SATL1: variants seen among roughly 807,000 people sequenced by gnomAD.
The protein encoded by SATL1 is spermidine/spermine N1-acetyl transferase like 1.
SATL1 carries 47 observed loss-of-function variants against 51.8 expected under a neutral mutation model. The ratio of observed to expected loss-of-function variants is 0.91; its 90% CI spans 0.72 to 1.16. The LOEUF (loss-of-function observed/expected upper bound fraction) is 1.16, where lower values mean the gene tolerates loss of function less well. Among genes scored for constraint, SATL1 ranks in the 50% most tolerant of loss-of-function variants. SATL1 has a pLI of 0.00. For synonymous variants in SATL1, 176 were observed against 182.4 expected (o/e 0.97, Z 0.28); for missense variants, 520 against 526.4 (o/e 0.99, Z 0.12).
Position 85,182,056 on chromosome X carries a change from C to T in SATL1, c.-313+42149G>A, listed in dbSNP as rs777222473. On this transcript the variant is annotated intron_variant, in intron 2 of 7. Transcript: ENST00000644105. Reference sequence around the variant, plus strand: ...ATATTAATCAGATCAGGGTAATTAGCATATCCATCATATCAAACATTTATC... The same window carrying T: ...ATATTAATCAGATCAGGGTAATTAGTATATCCATCATATCAAACATTTATC... Among the ~76,000 whole-genome samples, 5 of 110,104 alleles carry T rather than the reference C, an allele frequency of 4.5e-5. No homozygotes were observed. In the East Asian group the frequency reaches 1.4e-3, roughly 31 times the overall value.
At chrX:85,230,203 G>A (rs1300382660) in intron 1 of SATL1, among the ~76,000 whole-genome samples, 2 of 111,526 alleles carry the variant, frequency 1.8e-5, no homozygotes, top group African/African-American at 6.5e-5. Flanking sequence ...AAAACAATAT[G>A]CACTGGCATA....
At chrX:85,161,651 G>A (rs1307363850) in intron 2 of SATL1, among the ~76,000 whole-genome samples, 1 of 110,912 alleles carries the variant, frequency 9.0e-6, no homozygotes, top group Non-Finnish European at 1.9e-5. Flanking sequence ...CAATACAGAA[G>A]CATCCAGATT....
intron 2 of SATL1, among the ~76,000 whole-genome samples, chrX:85,198,468 T>C (rs1927621033): frequency 8.9e-6 from 1 of 112,067 alleles, no homozygotes; most frequent in East Asian, 2.8e-4. Flanking sequence ...GGGTTCCCTT[T>C]TCTCCATATC....
At chrX:85,182,093 T>C (rs976000398) in intron 2 of SATL1, among the ~76,000 whole-genome samples, 1 of 111,577 alleles carries the variant, frequency 9.0e-6, no homozygotes, top group East Asian at 2.8e-4. Context: ...TTTCTTTGTA[T>C]TGAAAATTTT....
rs1414822513 is a variant in SATL1 at position 85,107,658 on chromosome X, C to A, written c.1311G>T (p.Trp437Cys). 1 of 1,211,413 alleles carries A rather than the reference C, an allele frequency of 8.3e-7. No individual in the cohort carries two copies. Among genetic ancestry groups the A allele is most frequent in the Admixed American group, 2.2e-5 (1 of 46,041 alleles). Residue 437 changes from tryptophan (W) to cysteine (C), a missense_variant, in exon 3 of 8, where the codon TGG (tryptophan) becomes TGT (cysteine). By Grantham distance (215) the Trp-to-Cys change is radical (BLOSUM62 -2). This residue lies in a region of SATL1 where 488 missense variants were observed against 474.3 expected (regional missense o/e 1.03). Transcript: ENST00000644105. ...RQPNKSPPGM[W>C]QRGMWQPGMS... The stretch of plus-strand genomic sequence containing the variant: ...TGCCTGGTTGCCACATGCCTCGTTG[C>A]CACATGCCTGGTGGACTCTTGTTTG...
chrX:85,097,465 G>A (rs1924761587), intron 4 of SATL1, among the ~76,000 whole-genome samples: 1 of 112,179 alleles, frequency 8.9e-6, no homozygotes, highest in Non-Finnish European at 1.9e-5. Context: ...AGCCTCCCAT[G>A]TAGCTGGGAC....
intron 2 of SATL1, among the ~76,000 whole-genome samples, chrX:85,163,896 A>G (rs1229363313): frequency 8.9e-6 from 1 of 111,826 alleles, no homozygotes; most frequent in Non-Finnish European, 1.9e-5. Context: ...GGTCTGTCGC[A>G]TTTCTTAAGT....
At chrX:85,154,153 G>A (rs949980270) in intron 2 of SATL1, among the ~76,000 whole-genome samples, 1 of 111,348 alleles carries the variant, frequency 9.0e-6, no homozygotes, top group African/African-American at 3.3e-5. Context: ...CCAGACAGAA[G>A]CCAAGTGTAA....
intron 2 of SATL1, chrX:85,143,138 A>G (rs1230208894): frequency 4.5e-5 from 5 of 112,089 alleles, no homozygotes; most frequent in African/African-American, 1.6e-4. Flanking sequence ...ACAAAGATGA[A>G]CAAATAGTTC....
Position 85,095,080 on chromosome X carries a change from T to C in SATL1, c.1694-84A>G, listed in dbSNP as rs1263063143. ...GTGGATAGGAAGCACTAGGAATTTCTCTCTCCACCTGGATAGCAATTGTAT... is the reference window on the plus strand; with the variant it reads ...GTGGATAGGAAGCACTAGGAATTTCCCTCTCCACCTGGATAGCAATTGTAT... On this transcript the variant is annotated intron_variant, in intron 4 of 7. Coordinates refer to ENST00000644105, the MANE Select transcript of SATL1 (RefSeq NM_001367857.2). 4 of 533,990 alleles carry C rather than the reference T, an allele frequency of 7.5e-6. No homozygotes were observed. In the Admixed American group the frequency reaches 8.3e-5, roughly 11 times the overall value. The allele number at this position is 533,990 out of a possible 1,213,427, so 44.0% of individuals were successfully genotyped here. A position where few individuals can be genotyped will look rare whatever the true frequency, so the allele number is the denominator to read the frequency against.
At chrX:85,239,404 G>A (rs1928541463) in intron 1 of SATL1, among the ~76,000 whole-genome samples, 1 of 111,495 alleles carries the variant, frequency 9.0e-6, no homozygotes, top group Non-Finnish European at 1.9e-5. Context: ...CTGTGTTCAT[G>A]AATAGAAGAA....
At chrX:85,154,127 C>T (rs765855821) in intron 2 of SATL1, among the ~76,000 whole-genome samples, 12 of 111,825 alleles carry the variant, frequency 1.1e-4, no homozygotes, top group African/African-American at 3.6e-4. Flanking sequence ...AAAGTAAAAA[C>T]TGGAAAGTCA....
At chrX:85,241,851 C>A (rs1928603721) in intron 1 of SATL1, among the ~76,000 whole-genome samples, 1 of 111,897 alleles carries the variant, frequency 8.9e-6, no homozygotes, top group Non-Finnish European at 1.9e-5. Flanking sequence ...TTACTACTGT[C>A]CCATTGGTGA....
chrX:85,119,680 G>T (rs1925463195), intron 2 of SATL1, among the ~76,000 whole-genome samples: 1 of 110,754 alleles, frequency 9.0e-6, no homozygotes, highest in Non-Finnish European at 1.9e-5. Flanking sequence ...TAAATACCTT[G>T]CATTTGATAT....
chrX:85,187,445 G>A (rs775445595), intron 2 of SATL1, among the ~76,000 whole-genome samples: 206 of 111,425 alleles, frequency 1.8e-3, no homozygotes, highest in African/African-American at 6.6e-3. Flanking sequence ...ACCATTCTGA[G>A]CAGTGTGTTT....
At chrX:85,170,311 T>C (rs1926945857) in intron 2 of SATL1, among the ~76,000 whole-genome samples, 1 of 111,437 alleles carries the variant, frequency 9.0e-6, no homozygotes, top group Non-Finnish European at 1.9e-5. Flanking sequence ...GTAACAAAAA[T>C]ATTTAGTTGT....
At chrX:85,198,849 T>C (rs1927631271) in intron 2 of SATL1, among the ~76,000 whole-genome samples, 1 of 108,453 alleles carries the variant, frequency 9.2e-6, no homozygotes, top group African/African-American at 3.3e-5. Context: ...TATTCATTCT[T>C]TTTTTTTTGA....
At chrX:85,142,609 C>A (rs1926137579) in intron 2 of SATL1, 1 of 110,706 alleles carries the variant, frequency 9.0e-6, no homozygotes, top group African/African-American at 3.3e-5. Flanking sequence ...GAAATACTTA[C>A]ATAAAAATAA....
chrX:85,221,957 G>A (rs1928186340), intron 2 of SATL1, among the ~76,000 whole-genome samples: 1 of 112,022 alleles, frequency 8.9e-6, no homozygotes, highest in African/African-American at 3.2e-5. Flanking sequence ...GCTGAGGCTG[G>A]CCTAAGAACA....
Sources: gnomAD v4.1 joint callset for allele counts (sites outside exome capture counted in the v4.1 genomes callset) on GRCh38, gnomAD v4.1.1 for gene constraint, gnomAD v4.1.1 regional missense constraint, MANE v1.5 for transcripts, NCBI Gene and HGNC (gene_info 2026-07-23, HGNC 2026-07-21) for gene names.